PLPPR5: variants seen among roughly 807,000 people sequenced by gnomAD.
The protein encoded by PLPPR5 is phospholipid phosphatase-related protein type 5.
Under a neutral mutation model 33.9 loss-of-function variants are expected in PLPPR5, and 16 were observed. The ratio of observed to expected loss-of-function variants is 0.47; its 90% CI spans 0.32 to 0.72. PLPPR5 has a LOEUF of 0.72. Among genes scored for constraint, PLPPR5 ranks in the 30% least tolerant of loss-of-function variants. PLPPR5 has a pLI of 0.03. For synonymous variants in PLPPR5, 163 were observed against 150.3 expected (o/e 1.08, Z -0.62); for missense variants, 301 against 406.7 (o/e 0.74, Z 2.23).
chr1:98,984,280 C>T (rs986294899), intron 1 of PLPPR5, among the ~76,000 whole-genome samples: 1 of 152,024 alleles, frequency 6.6e-6, no homozygotes, highest in Non-Finnish European at 1.5e-5. Flanking sequence ...CCCAACCCTG[C>T]AGTCTTTCCC....
rs1179299278 is a variant in PLPPR5 at position 98,892,028 on chromosome 1, G to T, written c.*1044C>A. 1 of 151,920 alleles carries T rather than the reference G, an allele frequency of 6.6e-6. No individual in the cohort carries two copies. The highest frequency in any genetic ancestry group is 1.5e-5 in the Non-Finnish European group (1 of 67,992). The allele number at this position is 151,920 out of a possible 1,614,324, so 9.4% of individuals were successfully genotyped here. A position where few individuals can be genotyped will look rare whatever the true frequency, so the allele number is the denominator to read the frequency against. On this transcript the variant is annotated 3_prime_UTR_variant, in exon 6 of 6. Coordinates refer to ENST00000263177, the MANE Select transcript of PLPPR5 (RefSeq NM_001037317.2). ...GCCATACCCTTCATGTTTATACCAGGTTATTATGAGGATTACATAAAATAA... is the reference window on the plus strand; with the variant it reads ...GCCATACCCTTCATGTTTATACCAGTTTATTATGAGGATTACATAAAATAA...
chr1:98,933,736 G>C (rs1650071153), intron 3 of PLPPR5, among the ~76,000 whole-genome samples: 1 of 152,142 alleles, frequency 6.6e-6, no homozygotes, highest in Admixed American at 6.5e-5. Flanking sequence ...AGAGAATGTT[G>C]GTTGATTTGG....
intron 3 of PLPPR5, among the ~76,000 whole-genome samples, chr1:98,939,311 G>T (rs2101189145): frequency 6.7e-6 from 1 of 148,666 alleles, no homozygotes; most frequent in African/African-American, 2.4e-5. Context: ...TGCTAAAAGT[G>T]ATTTGCTTTT....
intron 1 of PLPPR5, chr1:99,004,197 C>T (rs1413453438): frequency 5.6e-6 from 3 of 539,158 alleles, no homozygotes; most frequent in East Asian, 6.2e-5. Flanking sequence ...CCCGCCCAGT[C>T]ACCCAACGCT....
chr1:98,903,459 T>C lies in PLPPR5; in HGVS notation c.934-10355A>G, dbSNP rs118101983. ...TTATCACAGGGAACACAGTAATGTA[T>C]AATCATATTTGTCTTGGCAAGAAAC... On this transcript the variant is annotated intron_variant, in intron 5 of 5. Coordinates refer to ENST00000263177, the MANE Select transcript of PLPPR5 (RefSeq NM_001037317.2). Among the ~76,000 whole-genome samples the C allele has an allele frequency of 9.3e-4, 141 of 152,298 alleles. 2 individuals are homozygous for C. In the East Asian group the frequency reaches 0.017, roughly 18 times the overall value.
intron 5 of PLPPR5, among the ~76,000 whole-genome samples, chr1:98,894,562 TG>T (rs1425582711): frequency 6.6e-6 from 1 of 152,010 alleles, no homozygotes; most frequent in African/African-American, 2.4e-5. Flanking sequence ...TCTGGAAAGA[TG>T]TTAAGATAGA....
rs184539145 is a variant in PLPPR5 at position 98,921,067 on chromosome 1, A to G, written c.798+815T>C. Among the ~76,000 whole-genome samples the G allele has an allele frequency of 6.2e-3, 945 of 152,314 alleles. 4 individuals carry two copies. Among genetic ancestry groups the G allele is most frequent in the Non-Finnish European group, 0.01 (688 of 68,022 alleles). ...CATCAGTAAGTATTTGGTACTGATA[A>G]TAAGTCAGAAAAATACTTAGAAATG... On this transcript the variant is annotated intron_variant, in intron 4 of 5. Coordinates refer to ENST00000263177, the MANE Select transcript of PLPPR5 (RefSeq NM_001037317.2).
Position 98,988,358 on chromosome 1 carries a change from A to G in PLPPR5, c.237+16077T>C, listed in dbSNP as rs141805327. On this transcript the variant is annotated intron_variant, in intron 1 of 5. Transcript: ENST00000263177. Reference sequence around the variant, plus strand: ...AATTGGTCTTACTCTAATTATCTTTATTATAAATGGGATAACTGTAGAGAA... The same window carrying G: ...AATTGGTCTTACTCTAATTATCTTTGTTATAAATGGGATAACTGTAGAGAA... Among the ~76,000 whole-genome samples, 599 of 152,230 alleles carry G rather than the reference A, an allele frequency of 3.9e-3. 3 individuals carry two copies. The highest frequency in any genetic ancestry group is 0.014 in the African/African-American group (568 of 41,564).
chr1:98,915,180 A>G (rs1570693882), intron 4 of PLPPR5, among the ~76,000 whole-genome samples: 5 of 152,184 alleles, frequency 3.3e-5, no homozygotes, highest in East Asian at 3.8e-4. Flanking sequence ...TGACAATTTT[A>G]TTATTCGAAA....
chr1:98,905,485 C>A (rs1648860650), intron 5 of PLPPR5, among the ~76,000 whole-genome samples: 2 of 152,040 alleles, frequency 1.3e-5, no homozygotes, highest in Admixed American at 6.6e-5. Flanking sequence ...GAACATTTTT[C>A]CTAGTTAGCA....
chr1:98,928,552 T>TATATATATATATATATATAG, intron 3 of PLPPR5, among the ~76,000 whole-genome samples: 1 of 134,806 alleles, frequency 7.4e-6, no homozygotes, highest in African/African-American at 2.6e-5. Flanking sequence ...TTAAATCATA[T>TATATATATATATATATATAG]ATATATATAT....
At chr1:98,914,122 T>C (rs1382732739) in intron 5 of PLPPR5, among the ~76,000 whole-genome samples, 1 of 152,238 alleles carries the variant, frequency 6.6e-6, no homozygotes, top group East Asian at 1.9e-4. Flanking sequence ...GCATGGAAGA[T>C]GTGGAATATA....
rs1360960760 is a variant in PLPPR5, at chr1:98,919,077, A to T, written c.798+2805T>A. 2.0e-5 allele frequency among the ~76,000 whole-genome samples: 3 copies of T among 152,238 alleles called. No individual in the cohort carries two copies. The East Asian group carries it at 5.8e-4, about 29-fold the overall frequency. On this transcript the variant is annotated intron_variant, in intron 4 of 5. Transcript: ENST00000263177. ...AATATTACATATTAAAAGTTGGAAT[A>T]TCCTTTGTAGAAAAGTAAAGTAAGG... is the stretch of plus-strand genomic sequence containing the variant.
At chr1:98,997,652 C>T (rs1652678100) in intron 1 of PLPPR5, among the ~76,000 whole-genome samples, 1 of 152,056 alleles carries the variant, frequency 6.6e-6, no homozygotes, top group African/African-American at 2.4e-5. Flanking sequence ...ATAGGAAAAT[C>T]AGGAAAAAAA....
intron 1 of PLPPR5, among the ~76,000 whole-genome samples, chr1:98,978,780 A>G (rs1198415599): frequency 6.6e-6 from 1 of 152,090 alleles, no homozygotes; most frequent in African/African-American, 2.4e-5. Context: ...CAATGAACAC[A>G]TATCATAAGG....
intron 1 of PLPPR5, among the ~76,000 whole-genome samples, chr1:98,981,416 C>T (rs1348380141): frequency 6.6e-6 from 1 of 152,072 alleles, no homozygotes; most frequent in Non-Finnish European, 1.5e-5. Flanking sequence ...GCCTAAACAA[C>T]TTTGCATGCT....
intron 5 of PLPPR5, among the ~76,000 whole-genome samples, chr1:98,900,587 T>C (rs1288917265): frequency 6.6e-6 from 1 of 152,194 alleles, no homozygotes; most frequent in Non-Finnish European, 1.5e-5. Context: ...AACAGTAAAT[T>C]GTATCCATGC....
intron 5 of PLPPR5, among the ~76,000 whole-genome samples, chr1:98,902,436 G>T (rs570002340): frequency 1.3e-5 from 2 of 151,898 alleles, no homozygotes; most frequent in Admixed American, 6.6e-5. Flanking sequence ...TGCTTATTCA[G>T]ATTTTCAGAT....
chr1:98,966,403 G>C (rs1311440076), intron 1 of PLPPR5, among the ~76,000 whole-genome samples: 2 of 152,094 alleles, frequency 1.3e-5, no homozygotes, highest in Non-Finnish European at 2.9e-5. Context: ...ATGTAAATAG[G>C]GCTTAGGTTT....
Sources: allele counts gnomAD v4.1 joint callset (sites outside exome capture counted in the v4.1 genomes callset), GRCh38; gene constraint gnomAD v4.1.1; transcripts MANE v1.5; gene names NCBI Gene and HGNC (gene_info 2026-07-23, HGNC 2026-07-21).